RPP30: variants seen among roughly 807,000 people sequenced by gnomAD.
RPP30 encodes the protein ribonuclease P/MRP subunit p30, also known as ribonuclease P protein subunit p30.
In RPP30, 36 loss-of-function variants were observed where a neutral mutation model predicts 38.6. The ratio of observed to expected loss-of-function variants is 0.93; its 90% confidence interval spans 0.71 to 1.23. The LOEUF (loss-of-function observed/expected upper bound fraction) is 1.23. Among genes scored for constraint, RPP30 ranks in the 50% most tolerant of loss-of-function variants. RPP30 has a pLI of 0.00. For synonymous variants in RPP30, 126 were observed against 112.7 expected (o/e 1.12, Z -0.75); for missense variants, 321 against 321.7 (o/e 1.00, Z 0.02).
intron 7 of RPP30, chr10:90,895,193 T>C (rs1847125792): frequency 4.0e-6 from 2 of 502,840 alleles, no homozygotes; most frequent in African/African-American, 2.0e-5. Flanking sequence ...TTAAGATATG[T>C]GACCTTTTCA....
At chr10:90,895,535 T>C (rs774270930) in intron 8 of RPP30, 52 bp downstream of exon 8, 8 of 1,105,274 alleles carry the variant, frequency 7.2e-6, no homozygotes, top group Non-Finnish European at 9.8e-6. Flanking sequence ...ATAAAACTTT[T>C]CAGTTTCTAG....
At chr10:90,890,083 T>G (rs1847056037) in intron 6 of RPP30, among the ~76,000 whole-genome samples, 1 of 152,194 alleles carries the variant, frequency 6.6e-6, no homozygotes, top group Admixed American at 6.5e-5. Flanking sequence ...AGTAGAATCT[T>G]AGGTAGTTCA....
intron 6 of RPP30, among the ~76,000 whole-genome samples, chr10:90,887,781 G>C (rs1244989099): frequency 6.6e-6 from 1 of 152,180 alleles, no homozygotes; most frequent in Non-Finnish European, 1.5e-5. Flanking sequence ...AAATAAATAA[G>C]TAAACAGTGA....
At chr10:90,887,744 G>T (rs1337914433) in intron 6 of RPP30, among the ~76,000 whole-genome samples, 1 of 152,170 alleles carries the variant, frequency 6.6e-6, no homozygotes, top group Non-Finnish European at 1.5e-5. Flanking sequence ...CAAATCATTG[G>T]TTCCTTGTGT....
intron 10 of RPP30, 35 bp downstream of exon 10, chr10:90,896,427 A>C (rs1268354145): frequency 4.5e-6 from 7 of 1,558,394 alleles, no homozygotes; most frequent in Non-Finnish European, 5.3e-6. Context: ...CTGAATGGTC[A>C]TGTTAAAAGC....
intron 6 of RPP30, among the ~76,000 whole-genome samples, chr10:90,888,840 T>A (rs560851175): frequency 6.6e-6 from 1 of 152,324 alleles, no homozygotes; most frequent in African/African-American, 2.4e-5. Context: ...GAGAGGGATA[T>A]GCAGTTTAAC....
At chr10:90,874,370 A>T (rs1846823227) in intron 1 of RPP30, among the ~76,000 whole-genome samples, 1 of 152,204 alleles carries the variant, frequency 6.6e-6, no homozygotes, top group South Asian at 2.1e-4. Context: ...TTAGGAAAGG[A>T]GTCTCTGAAG....
intron 5 of RPP30, 75 bp downstream of exon 5, chr10:90,879,209 G>T: frequency 9.0e-7 from 1 of 1,115,460 alleles, no homozygotes; most frequent in Non-Finnish European, 1.3e-6. Flanking sequence ...CTTTGTAGAT[G>T]ACCTGTTTTG....
chr10:90,881,259 T>C (rs1483899266), intron 5 of RPP30, among the ~76,000 whole-genome samples: 2 of 152,222 alleles, frequency 1.3e-5, no homozygotes, highest in African/African-American at 4.8e-5. Flanking sequence ...TTGGGACAGA[T>C]ATTTATTACT....
At chr10:90,879,920 G>A (rs1846900912) in intron 5 of RPP30, 1 of 152,148 alleles carries the variant, frequency 6.6e-6, no homozygotes, top group Non-Finnish European at 1.5e-5. Context: ...TCCGCCAAAA[G>A]TATAAAATGA....
chr10:90,886,387 T>A (rs1847000187), intron 6 of RPP30, among the ~76,000 whole-genome samples: 1 of 152,236 alleles, frequency 6.6e-6, no homozygotes, highest in Non-Finnish European at 1.5e-5. Flanking sequence ...GAGTTACTTT[T>A]ATATGAACCT....
chr10:90,873,099 A>G (rs1336208531), intron 1 of RPP30, among the ~76,000 whole-genome samples: 1 of 152,232 alleles, frequency 6.6e-6, no homozygotes, highest in East Asian at 1.9e-4. Flanking sequence ...ATAAATCATG[A>G]GCTTCCTAAG....
rs956353280 is a variant in RPP30, at chr10:90,892,962, C to T, written c.433-1813C>T. On this transcript the variant is annotated intron_variant, in intron 6 of 10. Coordinates refer to ENST00000371703, the MANE Select transcript of RPP30 (RefSeq NM_006413.5). ...GTCTAGCTCTCAAGAAGTGTGCAAG[C>T]TTGGCAGAGCCAATGAGATACACGT... Among the ~76,000 whole-genome samples, 3 of 152,276 alleles carry T rather than the reference C, an allele frequency of 2.0e-5. No individual in the cohort carries two copies. In the East Asian group the frequency reaches 5.8e-4, roughly 29 times the overall value.
chr10:90,884,005 A>C (rs1056428131), intron 5 of RPP30, among the ~76,000 whole-genome samples: 6 of 151,842 alleles, frequency 4.0e-5, no homozygotes, highest in Admixed American at 1.3e-4. Context: ...CTTTTACCTT[A>C]CAGTTTCTTA....
Position 90,901,995 on chromosome 10 carries a change from C to T in RPP30, c.*1316C>T. The T allele has an allele frequency of 7.1e-6, 3 of 422,486 alleles. No homozygotes were observed. The highest frequency in any genetic ancestry group is 9.5e-6 in the Non-Finnish European group (3 of 316,004). The allele number at this position is 422,486 out of a possible 1,614,324, so 26.2% of individuals were successfully genotyped here. ...CATGTATTTAGCAGAGACGGGGTTTCACCGTGTTAGCCAGGATGGTCTCAA... is the reference window on the plus strand; with the variant it reads ...CATGTATTTAGCAGAGACGGGGTTTTACCGTGTTAGCCAGGATGGTCTCAA... On this transcript the variant is annotated 3_prime_UTR_variant, in exon 11 of 11. Transcript: ENST00000371703.
intron 6 of RPP30, 152 bp downstream of exon 6, chr10:90,886,053 G>A (rs1393483783): frequency 3.6e-6 from 2 of 549,804 alleles, no homozygotes; most frequent in Non-Finnish European, 6.3e-6. Context: ...TTTGAAAGCT[G>A]AACAAAGGGA....
At chr10:90,875,933 C>T (rs1167232331) in intron 3 of RPP30, 91 bp from the exon 4 acceptor site, 1 of 752,480 alleles carries the variant, frequency 1.3e-6, no homozygotes, top group South Asian at 1.6e-5. Flanking sequence ...CCCTTATAGC[C>T]AGTACCTTTT....
In RPP30 at chr10:90,879,093, G is replaced by T. The variant is rs1162291015; in HGVS notation, c.301G>T (p.Asp101Tyr). Residue 101 changes from aspartate (D) to tyrosine (Y), a missense_variant, in exon 5 of 11, where the codon GAT becomes TAT. Transcript: ENST00000371703. ...AACTTCTTCAAGGGCCCGGCTCTAT[G>T]ATGTTGTTGCAGTTTTTCCAAAGAC... ...RATSSRARLY[D>Y]VVAVFPKTEK... 9 of 1,613,928 alleles carry T rather than the reference G, an allele frequency of 5.6e-6. No individual in the cohort carries two copies. The highest frequency in any genetic ancestry group is 5.9e-6 in the Non-Finnish European group (7 of 1,179,998).
Position 90,900,829 on chromosome 10 carries a change from AAAC to A in RPP30, c.*156_*158del, listed in dbSNP as rs1847191747. ...AAACAGTTTTACTTGCAATCCATTAAAACAACAAACGAAACCTAGTGAAGCATC... is the reference window on the plus strand; with the variant it reads ...AAACAGTTTTACTTGCAATCCATTAAAACAAACGAAACCTAGTGAAGCATC... On this transcript the variant is annotated 3_prime_UTR_variant, in exon 11 of 11. Coordinates refer to ENST00000371703, the MANE Select transcript of RPP30 (RefSeq NM_006413.5). The A allele has an allele frequency of 7.5e-7, 1 of 1,337,886 alleles. No individual in the cohort carries two copies. The highest frequency in any genetic ancestry group is 9.6e-7 in the Non-Finnish European group (1 of 1,046,406). 82.9% of individuals were successfully genotyped at this position (1,337,886 alleles called of 1,614,324 possible).
Sources: gnomAD v4.1 joint callset for allele counts (sites outside exome capture counted in the v4.1 genomes callset) on GRCh38, gnomAD v4.1.1 for gene constraint, MANE v1.5 for transcripts, NCBI Gene and HGNC (gene_info 2026-07-23, HGNC 2026-07-21) for gene names.